MANBA: variants seen among roughly 807,000 people sequenced by gnomAD.
MANBA encodes the protein mannosidase beta.
A neutral mutation model predicts 111.1 loss-of-function variants in MANBA; 83 were observed. The observed-to-expected ratio is 0.75, with a 90% CI of 0.63 to 0.90. The LOEUF (loss-of-function observed/expected upper bound fraction) is 0.90. MANBA is among the 40% of genes least tolerant of loss of function. The probability of loss-of-function intolerance (pLI) is 0.00; values close to 1 mark genes in which losing one functional copy is unlikely to be tolerated. For synonymous variants in MANBA, 370 were observed against 378.7 expected (o/e 0.98, Z 0.27); for missense variants, 1,036 against 1,069.0 (o/e 0.97, Z 0.43).
At chr4:102,737,595 G>A (rs1469077810) in intron 1 of MANBA, among the ~76,000 whole-genome samples, 1 of 152,034 alleles carries the variant, frequency 6.6e-6, no homozygotes, top group East Asian at 1.9e-4. Context: ...CCATTCTCCT[G>A]CCTCAGCCTC....
chr4:102,660,476 G>A (rs1402155507), intron 11 of MANBA, among the ~76,000 whole-genome samples: 1 of 151,932 alleles, frequency 6.6e-6, no homozygotes, highest in Non-Finnish European at 1.5e-5. Context: ...AAAAAAAATT[G>A]TTAAAAGACA....
At chr4:102,659,395 G>T (rs10446709) in intron 11 of MANBA, among the ~76,000 whole-genome samples, 4 of 151,906 alleles carry the variant, frequency 2.6e-5, no homozygotes, top group African/African-American at 9.7e-5. Context: ...TCACTTTTTC[G>T]TGGTATATCC....
chr4:102,639,789 A>G lies in MANBA; in HGVS notation c.1938T>C (p.Asp646=), dbSNP rs772915593. 2.5e-6 allele frequency: 4 copies of G among 1,614,078 alleles called. No homozygotes were observed. The highest frequency in any genetic ancestry group is 3.4e-6 in the Non-Finnish European group (4 of 1,179,990). ...GTGCCCCCATCGTGTGCCCTTGCTG[A>G]TCCACTATCTCGCTGCGACTACGGC... ...FYRRSRSEIV[D]QQGHTMGALY... Residue 646 remains aspartate (D), a synonymous_variant, in exon 14 of 17, where the codon GAT becomes GAC. Coordinates refer to ENST00000647097, the MANE Select transcript of MANBA (RefSeq NM_005908.4).
At position 102,759,566 on chromosome 4, in the gene MANBA, GAA is replaced by G. The variant is rs33991375; in HGVS notation, c.177+1150_177+1151del. The stretch of plus-strand genomic sequence containing the variant: ...ACCTCCTTTCTGATACACATCTCAG[GAA>G]AAAAAAAAAAAAAACTACTAAGTAC... On this transcript the variant is annotated intron_variant, in intron 1 of 16. Transcript: ENST00000647097. Among the ~76,000 whole-genome samples, 933 of 138,806 alleles carry G rather than the reference GAA, an allele frequency of 6.7e-3. 5 individuals carry two copies. Among genetic ancestry groups the G allele is most frequent in the Middle Eastern group, 0.026 (7 of 270 alleles). 91.1% of individuals were successfully genotyped at this position (138,806 alleles called of 152,430 possible). A position where few individuals can be genotyped will look rare whatever the true frequency, so the allele number is the denominator to read the frequency against.
At position 102,698,273 on chromosome 4, in the gene MANBA, T is replaced by G. The variant is rs984447314; in HGVS notation, c.674-7502A>C. Among the ~76,000 whole-genome samples the G allele has an allele frequency of 2.6e-4, 40 of 152,066 alleles. 1 individual carries two copies. Among genetic ancestry groups the G allele is most frequent in the African/African-American group, 9.2e-4 (38 of 41,400 alleles). The stretch of plus-strand genomic sequence containing the variant: ...GGATATTAGCCCTTTGTCAGACGAG[T>G]AGGTTGTGAAAATTTTCTCCCATTT... On this transcript the variant is annotated intron_variant, in intron 5 of 16. Transcript: ENST00000647097.
At chr4:102,711,545 T>A (rs1432867987) in intron 5 of MANBA, among the ~76,000 whole-genome samples, 1 of 152,172 alleles carries the variant, frequency 6.6e-6, no homozygotes. Flanking sequence ...ATGGAAATAC[T>A]ATATTTCTCA....
intron 4 of MANBA, chr4:102,722,374 T>C (rs1280550498): frequency 5.9e-6 from 1 of 169,636 alleles, no homozygotes; most frequent in African/African-American, 2.4e-5. Flanking sequence ...GTAAAATAGA[T>C]CCAAGTCCTC....
chr4:102,725,125 G>A (rs1168613068), intron 2 of MANBA, among the ~76,000 whole-genome samples: 1 of 152,084 alleles, frequency 6.6e-6, no homozygotes, highest in Non-Finnish European at 1.5e-5. Context: ...GCTAATGGGT[G>A]TAACTTTTTG....
At chr4:102,649,748 G>A (rs1168865408) in intron 13 of MANBA, among the ~76,000 whole-genome samples, 1 of 152,010 alleles carries the variant, frequency 6.6e-6, no homozygotes, top group Non-Finnish European at 1.5e-5. Context: ...TTTCAATGGA[G>A]TATAATTTAT....
intron 1 of MANBA, among the ~76,000 whole-genome samples, chr4:102,744,119 C>A (rs1229020576): frequency 6.6e-6 from 1 of 152,188 alleles, no homozygotes; most frequent in African/African-American, 2.4e-5. Flanking sequence ...AGTAACACAA[C>A]CAAATGTGGA....
Position 102,634,969 on chromosome 4 carries a change from TCTC to T in MANBA, c.2231_2233del (p.Gly744del). On this transcript the variant is annotated inframe_deletion, in exon 16 of 17. Transcript: ENST00000647097. ...TGGCTCCTCATAAAGGCAGACAGCC[TCTC>T]CTCCTTTCATCACAAAACGTTCAGT... 1 of 1,614,144 alleles carries T rather than the reference TCTC, an allele frequency of 6.2e-7. No individual in the cohort carries two copies. Among genetic ancestry groups the T allele is most frequent in the Non-Finnish European group, 8.5e-7 (1 of 1,180,040 alleles).
At chr4:102,697,552 C>A (rs1172019853) in intron 5 of MANBA, among the ~76,000 whole-genome samples, 1 of 138,560 alleles carries the variant, frequency 7.2e-6, no homozygotes. Context: ...GTTCCCCTTC[C>A]TGTGTCCATG....
intron 1 of MANBA, among the ~76,000 whole-genome samples, chr4:102,744,172 G>A (rs1413664311): frequency 6.6e-6 from 1 of 152,198 alleles, no homozygotes; most frequent in Admixed American, 6.5e-5. Flanking sequence ...AGGACGTTGT[G>A]CCTCTTTCTT....
At chr4:102,744,435 C>T (rs950417326) in intron 1 of MANBA, among the ~76,000 whole-genome samples, 4 of 152,294 alleles carry the variant, frequency 2.6e-5, no homozygotes, top group South Asian at 2.1e-4. Context: ...AAAGTCTCTT[C>T]GAACAAGATT....
At chr4:102,647,849 C>A (rs1446520153) in intron 13 of MANBA, among the ~76,000 whole-genome samples, 1 of 152,032 alleles carries the variant, frequency 6.6e-6, no homozygotes, top group Non-Finnish European at 1.5e-5. Flanking sequence ...TAGTTTCTAT[C>A]ATGGGGTTTG....
chr4:102,635,873 T>C lies in MANBA; in HGVS notation c.2149A>G (p.Thr717Ala). ...CAATCCAAGTAACTTACACTGAGTG[T>C]CATCGAATAATCCGAGTGAAGATCT... ...VSDLHSDYSMTLSVRVHTWSS... is the reference protein window; with the variant it reads ...VSDLHSDYSMALSVRVHTWSS... The change falls in exon 15 of 17, where the codon ACA (threonine) becomes GCA (alanine). Residue 717 changes from threonine (T) to alanine (A), a missense_variant. Transcript: ENST00000647097. 2 of 1,612,154 alleles carry C rather than the reference T, an allele frequency of 1.2e-6. No homozygotes were observed. The highest frequency in any genetic ancestry group is 1.7e-6 in the Non-Finnish European group (2 of 1,178,168).
chr4:102,669,082 T>C (rs1731369762), intron 9 of MANBA, 33 bp from the exon 10 acceptor site: 3 of 1,461,568 alleles, frequency 2.1e-6, no homozygotes, highest in Non-Finnish European at 2.9e-6. Context: ...ATGCAACACT[T>C]CCATAAGTTT....
At chr4:102,673,862 A>C in intron 8 of MANBA, 57 bp downstream of exon 8, 1 of 1,501,338 alleles carries the variant, frequency 6.7e-7, no homozygotes, top group Middle Eastern at 1.7e-4. Flanking sequence ...AGTAAACCTC[A>C]AGCTTTGCGG....
intron 1 of MANBA, chr4:102,730,511 T>C (rs1436141775): frequency 1.3e-5 from 7 of 530,788 alleles, no homozygotes; most frequent in Non-Finnish European, 2.2e-5. Flanking sequence ...AGTAACAACA[T>C]TGATTCTACA....
Sources: gnomAD v4.1 joint callset for allele counts (sites outside exome capture counted in the v4.1 genomes callset) on GRCh38, gnomAD v4.1.1 for gene constraint, MANE v1.5 for transcripts, NCBI Gene and HGNC (gene_info 2026-07-23, HGNC 2026-07-21) for gene names.